The following DOK5 variants were observed in gnomAD, a reference collection of about 807,000 sequenced individuals.
DOK5 encodes the protein downstream of tyrosine kinase 5.
Under a neutral mutation model 43.3 loss-of-function variants are expected in DOK5, and 27 were observed. The ratio of observed to expected loss-of-function variants is 0.62; its 90% CI spans 0.46 to 0.86. The LOEUF is 0.86. Among genes scored for constraint, DOK5 ranks in the 40% least tolerant of loss-of-function variants. The pLI, the probability that DOK5 is intolerant of heterozygous loss-of-function variation, is 0.00. For synonymous variants in DOK5, 146 were observed against 140.1 expected (o/e 1.04, Z -0.30); for missense variants, 373 against 392.9 (o/e 0.95, Z 0.43).
At chr20:54,614,837 A>G (rs1600738129) in intron 6 of DOK5, among the ~76,000 whole-genome samples, 2 of 152,340 alleles carry the variant, frequency 1.3e-5, no homozygotes, top group East Asian at 3.9e-4. Flanking sequence ...TACTTTAGTC[A>G]ATCTCTGATT....
intron 1 of DOK5, among the ~76,000 whole-genome samples, chr20:54,551,614 C>T (rs1180279671): frequency 1.3e-5 from 2 of 152,044 alleles, no homozygotes; most frequent in African/African-American, 4.8e-5. Flanking sequence ...TTTTTCCACC[C>T]CCCTCCATGG....
At chr20:54,501,045 T>C (rs958991075) in intron 1 of DOK5, among the ~76,000 whole-genome samples, 1 of 152,162 alleles carries the variant, frequency 6.6e-6, no homozygotes, top group East Asian at 1.9e-4. Context: ...ATGTTTTAGA[T>C]TGTTTCCTTG....
intron 6 of DOK5, among the ~76,000 whole-genome samples, chr20:54,640,505 T>A (rs1979060825): frequency 6.6e-6 from 1 of 152,248 alleles, no homozygotes; most frequent in Non-Finnish European, 1.5e-5. Context: ...CATTTCTGCA[T>A]TGTTATAAGG....
intron 1 of DOK5, among the ~76,000 whole-genome samples, chr20:54,540,734 G>T (rs761956226): frequency 1.3e-5 from 2 of 151,938 alleles, no homozygotes; most frequent in Non-Finnish European, 2.9e-5. Context: ...ATGTTACCCA[G>T]TCTGGTCTTG....
chr20:54,551,600 A>G (rs570821588), intron 1 of DOK5, among the ~76,000 whole-genome samples: 2 of 152,218 alleles, frequency 1.3e-5, no homozygotes, highest in African/African-American at 4.8e-5. Context: ...GTTTAAGTCG[A>G]CGATTTTTCC....
chr20:54,558,538 T>A (rs1172638937), intron 2 of DOK5, among the ~76,000 whole-genome samples: 2 of 152,160 alleles, frequency 1.3e-5, no homozygotes, highest in Admixed American at 1.3e-4. Context: ...CTGGAGTAAT[T>A]CTGAGATATG....
intron 2 of DOK5, among the ~76,000 whole-genome samples, chr20:54,573,992 A>T (rs542836184): frequency 6.6e-6 from 1 of 152,242 alleles, no homozygotes; most frequent in Admixed American, 6.5e-5. Flanking sequence ...GTTCAGACTG[A>T]TTTTTCAGGC....
chr20:54,488,563 T>C (rs138447372), intron 1 of DOK5, among the ~76,000 whole-genome samples: 4 of 152,320 alleles, frequency 2.6e-5, no homozygotes, highest in Middle Eastern at 3.4e-3. Context: ...TTTGTTTTTC[T>C]TCTGTAAGAG....
At chr20:54,507,353 C>CT (rs1568759260) in intron 1 of DOK5, among the ~76,000 whole-genome samples, 1 of 152,010 alleles carries the variant, frequency 6.6e-6, no homozygotes, top group South Asian at 2.1e-4. Flanking sequence ...TTCCTAGAAG[C>CT]CACATTAAAA....
chr20:54,494,632 C>T lies in DOK5; in HGVS notation c.66+18620C>T, dbSNP rs1253881335. The stretch of plus-strand genomic sequence containing the variant: ...CAATGTTCTCAAAACTAAAATAGCT[C>T]GTTAGTTTAATTTTCATAAAATGGA... On this transcript the variant is annotated intron_variant, in intron 1 of 7. Transcript: ENST00000262593. 3.3e-5 allele frequency among the ~76,000 whole-genome samples: 5 copies of T among 151,850 alleles called. No individual in the cohort carries two copies. In the South Asian group the frequency reaches 6.2e-4, roughly 19 times the overall value.
At chr20:54,642,031 C>T (rs368677141) in intron 6 of DOK5, among the ~76,000 whole-genome samples, 83 of 152,280 alleles carry the variant, frequency 5.5e-4, no homozygotes, top group African/African-American at 1.7e-3. Flanking sequence ...AATCAACCTG[C>T]GTCATGATTG....
At chr20:54,534,265 C>A (rs974194171) in intron 1 of DOK5, among the ~76,000 whole-genome samples, 6 of 152,210 alleles carry the variant, frequency 3.9e-5, no homozygotes, top group Non-Finnish European at 5.9e-5. Context: ...TGGCTCACTG[C>A]AGCCTTGATC....
At chr20:54,578,633 CTCT>C (rs2146755888) in intron 2 of DOK5, among the ~76,000 whole-genome samples, 2 of 151,970 alleles carry the variant, frequency 1.3e-5, no homozygotes, top group Non-Finnish European at 2.9e-5. Flanking sequence ...AATTTGACTT[CTCT>C]TCTTTTCTGT....
intron 1 of DOK5, among the ~76,000 whole-genome samples, chr20:54,539,309 A>T (rs942622703): frequency 5.4e-5 from 8 of 148,182 alleles, no homozygotes; most frequent in Non-Finnish European, 8.9e-5. Context: ...AAAAAAAAAA[A>T]GTGGAGAACA....
intron 1 of DOK5, among the ~76,000 whole-genome samples, chr20:54,491,458 A>T (rs181031377): frequency 6.6e-6 from 1 of 152,318 alleles, no homozygotes; most frequent in African/African-American, 2.4e-5. Flanking sequence ...GCCTTTTTGC[A>T]GTATCGCAGC....
chr20:54,628,295 G>A (rs1053170342), intron 6 of DOK5, among the ~76,000 whole-genome samples: 3 of 151,488 alleles, frequency 2.0e-5, no homozygotes, highest in Non-Finnish European at 2.9e-5. Context: ...TGTAGTCCCA[G>A]CTACTCTGGA....
intron 1 of DOK5, among the ~76,000 whole-genome samples, chr20:54,513,343 A>C (rs1983073426): frequency 6.6e-6 from 1 of 151,838 alleles, no homozygotes; most frequent in Non-Finnish European, 1.5e-5. Context: ...TCAGCCTGGG[A>C]CCCAGCTTCA....
At chr20:54,490,979 C>T (rs966936747) in intron 1 of DOK5, among the ~76,000 whole-genome samples, 5 of 152,228 alleles carry the variant, frequency 3.3e-5, no homozygotes, top group Admixed American at 6.5e-5. Context: ...TGCCATCTCA[C>T]GCTTCCCTTT....
intron 1 of DOK5, among the ~76,000 whole-genome samples, chr20:54,520,002 C>T (rs1035683914): frequency 1.3e-5 from 2 of 152,168 alleles, no homozygotes; most frequent in Non-Finnish European, 2.9e-5. Context: ...GTGCACATAC[C>T]TGCCCACCAC....
Sources: gnomAD v4.1 joint callset for allele counts (sites outside exome capture counted in the v4.1 genomes callset) on GRCh38, gnomAD v4.1.1 for gene constraint, MANE v1.5 for transcripts, NCBI Gene and HGNC (gene_info 2026-07-23, HGNC 2026-07-21) for gene names.